The following TRPM3 variants were observed in gnomAD, a reference collection of about 807,000 sequenced individuals.
TRPM3 encodes the protein long transient receptor potential channel 3.
A neutral mutation model predicts 181.2 loss-of-function variants in TRPM3; 77 were observed. The observed-to-expected ratio is 0.42, with a 90% CI of 0.35 to 0.51. TRPM3 has a LOEUF of 0.51. Ranked by LOEUF, TRPM3 falls within the 20% of genes least tolerant of loss-of-function variation. The probability of loss-of-function intolerance (pLI) is 0.01; values close to 1 mark genes in which losing one functional copy is unlikely to be tolerated. For missense variants in TRPM3, 1,759 were observed against 2,196.7 expected (o/e 0.80, Z 3.98); for synonymous variants, 745 against 796.4 (o/e 0.94, Z 1.09).
intron 22 of TRPM3, among the ~76,000 whole-genome samples, chr9:70,561,029 CA>C (rs1211223825): frequency 6.6e-6 from 1 of 152,038 alleles, no homozygotes; most frequent in Non-Finnish European, 1.5e-5. Context: ...AAAAATATGG[CA>C]AAAAAGGATA....
intron 1 of TRPM3, among the ~76,000 whole-genome samples, chr9:71,076,538 T>C (rs2063484173): frequency 6.6e-6 from 1 of 152,270 alleles, no homozygotes; most frequent in South Asian, 2.1e-4. Context: ...GCTGTTAGCA[T>C]TCGCCACTTA....
intron 1 of TRPM3, among the ~76,000 whole-genome samples, chr9:71,030,488 C>A (rs2057148300): frequency 6.6e-6 from 1 of 151,622 alleles, no homozygotes; most frequent in Non-Finnish European, 1.5e-5. Flanking sequence ...TCGCTTGAAC[C>A]CGGGAGGCAG....
At chr9:71,445,434 CT>C (rs1380540689) in intron 1 of TRPM3, among the ~76,000 whole-genome samples, 1 of 152,118 alleles carries the variant, frequency 6.6e-6, no homozygotes, top group African/African-American at 2.4e-5. Context: ...AATCACTTGC[CT>C]TTTTAGCGGT....
intron 1 of TRPM3, among the ~76,000 whole-genome samples, chr9:71,323,574 C>T (rs1353942286): frequency 6.6e-6 from 1 of 151,994 alleles, no homozygotes; most frequent in Non-Finnish European, 1.5e-5. Flanking sequence ...TATTTCACCC[C>T]AAACCAATGA....
chr9:70,935,656 C>A (rs2096822290), intron 1 of TRPM3, among the ~76,000 whole-genome samples: 1 of 152,112 alleles, frequency 6.6e-6, no homozygotes, highest in African/African-American at 2.4e-5. Flanking sequence ...TTGCTGAGCA[C>A]CTGGAACTCT....
intron 22 of TRPM3, among the ~76,000 whole-genome samples, chr9:70,562,307 C>T (rs985034321): frequency 3.3e-5 from 5 of 152,236 alleles, no homozygotes; most frequent in Non-Finnish European, 5.9e-5. Flanking sequence ...TGAATTTGCC[C>T]CAAACTGAAT....
intron 1 of TRPM3, among the ~76,000 whole-genome samples, chr9:70,879,144 G>A (rs779568244): frequency 1.3e-5 from 2 of 152,038 alleles, no homozygotes; most frequent in Non-Finnish European, 2.9e-5. Flanking sequence ...TCAATGTGAT[G>A]CAGCTGGAAG....
At chr9:70,576,478 CTT>C (rs2053963755) in intron 22 of TRPM3, among the ~76,000 whole-genome samples, 3 of 149,410 alleles carry the variant, frequency 2.0e-5, no homozygotes, top group Admixed American at 6.6e-5. Flanking sequence ...TCTTCTTCTT[CTT>C]CTCCTCCTCC....
At chr9:70,742,610 G>A (rs1197162064) in intron 8 of TRPM3, among the ~76,000 whole-genome samples, 1 of 152,036 alleles carries the variant, frequency 6.6e-6, no homozygotes, top group Admixed American at 6.6e-5. Context: ...GAAAAATAAT[G>A]CAATTATTAT....
chr9:70,991,338 A>C (rs1438749953), intron 1 of TRPM3, among the ~76,000 whole-genome samples: 1 of 152,234 alleles, frequency 6.6e-6, no homozygotes. Flanking sequence ...TCACCAAACA[A>C]AATCAGATGT....
rs2090963234 is a variant in TRPM3 at position 71,341,587 on chromosome 9, C to T, written c.183+105066G>A. ...AAAACTCAAGGATATATATTGAATG[C>T]TCAATAGGAGAAGGGTAAGACATGA... On this transcript the variant is annotated intron_variant, in intron 1 of 24. Coordinates refer to the TRPM3 transcript ENST00000357533. Among the ~76,000 whole-genome samples the T allele has an allele frequency of 2.6e-5, 4 of 151,040 alleles. No individual in the cohort carries two copies. In the South Asian group the frequency reaches 8.3e-4, roughly 31 times the overall value.
chr9:71,414,953 G>A (rs747518849), intron 1 of TRPM3, among the ~76,000 whole-genome samples: 3 of 151,922 alleles, frequency 2.0e-5, no homozygotes, highest in African/African-American at 4.8e-5. Flanking sequence ...TTATAATCTC[G>A]AACCTGTAAA....
intron 1 of TRPM3, among the ~76,000 whole-genome samples, chr9:70,948,389 A>G (rs2096959541): frequency 6.6e-6 from 1 of 152,212 alleles, no homozygotes; most frequent in African/African-American, 2.4e-5. Context: ...TAATAGTTCC[A>G]ATGGTATTCA....
intron 1 of TRPM3, among the ~76,000 whole-genome samples, chr9:70,955,081 AT>A (rs1196818093): frequency 6.6e-6 from 1 of 152,046 alleles, no homozygotes; most frequent in Non-Finnish European, 1.5e-5. Context: ...AACTTGAAGC[AT>A]TTTTTTCCCC....
intron 1 of TRPM3, chr9:70,917,359 G>T: frequency 9.7e-7 from 1 of 1,033,522 alleles, no homozygotes; most frequent in Non-Finnish European, 1.5e-6. Context: ...CCAAGTCCAA[G>T]AGTGAAAGGC....
intron 8 of TRPM3, among the ~76,000 whole-genome samples, chr9:70,747,044 A>G (rs2075277603): frequency 6.6e-6 from 1 of 152,194 alleles, no homozygotes; most frequent in Admixed American, 6.5e-5. Context: ...AGCCCCATTA[A>G]TGTATATACA....
intron 1 of TRPM3, among the ~76,000 whole-genome samples, chr9:71,146,796 A>G (rs1235169281): frequency 6.6e-6 from 1 of 152,178 alleles, no homozygotes; most frequent in East Asian, 1.9e-4. Context: ...TTCATAATTT[A>G]TTAATACCAC....
At chr9:70,537,501 T>C in intron 25 of TRPM3, 96 bp from the exon 26 acceptor site, 1 of 1,151,976 alleles carries the variant, frequency 8.7e-7, no homozygotes. Flanking sequence ...TGCCTGACCT[T>C]GGTACCTTCA....
Position 70,765,980 on chromosome 9 carries a change from C to A in TRPM3, c.1149-4256G>T, listed in dbSNP as rs575758609. On this transcript the variant is annotated intron_variant, in intron 7 of 25. Transcript: ENST00000677713. ...TTTTTATTTTAGAACTGAGCCTTGACAAAGTCATCTTATTTATGGAAACTG... is the reference window on the plus strand; with the variant it reads ...TTTTTATTTTAGAACTGAGCCTTGAAAAAGTCATCTTATTTATGGAAACTG... 2.0e-5 allele frequency among the ~76,000 whole-genome samples: 3 copies of A among 152,256 alleles called. No individual in the cohort carries two copies. In the East Asian group the frequency reaches 5.8e-4, roughly 29 times the overall value.
Sources: allele counts gnomAD v4.1 joint callset (sites outside exome capture counted in the v4.1 genomes callset), GRCh38; gene constraint gnomAD v4.1.1; transcripts MANE v1.5; gene names NCBI Gene and HGNC (gene_info 2026-07-23, HGNC 2026-07-21).